Variants in PTPRQ observed in about 807,000 individuals in gnomAD.
The protein encoded by PTPRQ is phosphatidylinositol phosphatase PTPRQ.
Under a neutral mutation model 246.0 loss-of-function variants are expected in PTPRQ, and 199 were observed. The observed-to-expected ratio is 0.81, with a 90% confidence interval of 0.72 to 0.91. PTPRQ has a LOEUF of 0.91. PTPRQ is among the 40% of genes least tolerant of loss of function. PTPRQ has a pLI of 0.00. For missense variants in PTPRQ, 2,624 were observed against 2,528.4 expected, an observed-to-expected ratio of 1.04 and a Z score of -0.81; for synonymous variants, 869 against 853.2, an observed-to-expected ratio of 1.02 and a Z score of -0.32.
chr12:80,637,197 G>C (rs1161733196), intron 35 of PTPRQ, among the ~76,000 whole-genome samples: 1 of 52,664 alleles, frequency 1.9e-5, no homozygotes, highest in African/African-American at 6.3e-5. Flanking sequence ...AAAAAGAGTA[G>C]ATTTTTTTTT....
At chr12:80,462,242 C>G (rs1427871341) in intron 6 of PTPRQ, among the ~76,000 whole-genome samples, 1 of 152,170 alleles carries the variant, frequency 6.6e-6, no homozygotes, top group African/African-American at 2.4e-5. Context: ...GGTCCTACCC[C>G]CACGGAGTCT....
chr12:80,646,122 T>C (rs922290827), intron 35 of PTPRQ, among the ~76,000 whole-genome samples: 20 of 152,144 alleles, frequency 1.3e-4, no homozygotes, highest in African/African-American at 4.1e-4. Flanking sequence ...TCAGTATCAA[T>C]TGTAGAACAG....
chr12:80,523,785 C>G (rs916592601), intron 17 of PTPRQ, among the ~76,000 whole-genome samples: 2 of 152,070 alleles, frequency 1.3e-5, no homozygotes, highest in African/African-American at 4.8e-5. Context: ...TTACTTCCAA[C>G]TATGTGGTCA....
chr12:80,484,400 C>CG, intron 8 of PTPRQ, 33 bp from the exon 9 acceptor site: 2 of 1,402,330 alleles, frequency 1.4e-6, no homozygotes, highest in South Asian at 1.3e-5. Flanking sequence ...TTTAATTTCC[C>CG]CCTTTTCTTT....
At chr12:80,568,237 CATT>C (rs938764660) in intron 25 of PTPRQ, among the ~76,000 whole-genome samples, 17 of 152,076 alleles carry the variant, frequency 1.1e-4, no homozygotes, top group Admixed American at 7.9e-4. Flanking sequence ...TAATTTAAAA[CATT>C]AGAAACATAG....
intron 25 of PTPRQ, among the ~76,000 whole-genome samples, chr12:80,557,452 C>T (rs371292100): frequency 5.3e-4 from 80 of 150,720 alleles, no homozygotes; most frequent in Non-Finnish European, 9.7e-4. Flanking sequence ...ATCTGGCATA[C>T]GTGATAATAA....
intron 25 of PTPRQ, among the ~76,000 whole-genome samples, chr12:80,571,520 T>C (rs2120957055): frequency 2.0e-5 from 3 of 152,348 alleles, no homozygotes; most frequent in African/African-American, 7.2e-5. Flanking sequence ...ATGGCACCTG[T>C]GCATAATCAG....
chr12:80,608,819 C>T (rs1898434700), intron 27 of PTPRQ, among the ~76,000 whole-genome samples: 1 of 150,472 alleles, frequency 6.6e-6, no homozygotes, highest in African/African-American at 2.4e-5. Context: ...GAATGGGACC[C>T]AGGCCCCTTT....
intron 33 of PTPRQ, among the ~76,000 whole-genome samples, chr12:80,623,584 A>G (rs2094525184): frequency 6.6e-6 from 1 of 152,144 alleles, no homozygotes; most frequent in African/African-American, 2.4e-5. Context: ...CCATTACTTC[A>G]GCTAAGTAGT....
chr12:80,486,611 A>C (rs1894284053), intron 9 of PTPRQ, among the ~76,000 whole-genome samples: 1 of 152,172 alleles, frequency 6.6e-6, no homozygotes, highest in Non-Finnish European at 1.5e-5. Flanking sequence ...GGAGTAAATG[A>C]CATAAGAAAT....
chr12:80,520,807 G>A (rs574607043), intron 17 of PTPRQ, among the ~76,000 whole-genome samples: 3 of 152,014 alleles, frequency 2.0e-5, no homozygotes, highest in Admixed American at 6.6e-5. Context: ...TGTGAATAGT[G>A]CCACAATAAA....
intron 14 of PTPRQ, among the ~76,000 whole-genome samples, chr12:80,498,482 T>C (rs1351740286): frequency 1.3e-5 from 2 of 152,078 alleles, no homozygotes; most frequent in Non-Finnish European, 2.9e-5. Context: ...TTAAGTTTTA[T>C]TAGTTGGTGG....
At chr12:80,533,464 AT>A (rs1397428234) in intron 17 of PTPRQ, among the ~76,000 whole-genome samples, 1 of 152,034 alleles carries the variant, frequency 6.6e-6, no homozygotes, top group Admixed American at 6.6e-5. Context: ...TATGATATAC[AT>A]ACGTTGTTTC....
Position 80,542,070 on chromosome 12 carries a change from T to A in PTPRQ, c.3446-19T>A. 1 of 1,528,860 alleles carries A rather than the reference T, an allele frequency of 6.5e-7. No homozygotes were observed. Among genetic ancestry groups the A allele is most frequent in the African/African-American group, 1.4e-5 (1 of 71,442 alleles). 94.7% of individuals were successfully genotyped at this position (1,528,860 alleles called of 1,614,324 possible). Reference sequence around the variant, plus strand: ...TGATTCACTTTTGTTTCATTTAATATTCTCTTTTTCTTTTATAGTCCCAGA... The same window carrying A: ...TGATTCACTTTTGTTTCATTTAATAATCTCTTTTTCTTTTATAGTCCCAGA... On this transcript the variant is annotated intron_variant, in intron 21 of 44. Transcript: ENST00000644991.
intron 20 of PTPRQ, among the ~76,000 whole-genome samples, chr12:80,540,762 T>C (rs1294410957): frequency 6.6e-6 from 1 of 152,102 alleles, no homozygotes; most frequent in African/African-American, 2.4e-5. Context: ...AAATATGTAT[T>C]TGGGGAGTCT....
intron 25 of PTPRQ, among the ~76,000 whole-genome samples, chr12:80,586,214 C>T (rs909169449): frequency 2.0e-5 from 3 of 151,888 alleles, no homozygotes; most frequent in African/African-American, 7.3e-5. Context: ...AAACAAACAA[C>T]CCCATCAAAA....
intron 16 of PTPRQ, among the ~76,000 whole-genome samples, chr12:80,507,251 A>T (rs1894991851): frequency 6.6e-6 from 1 of 151,962 alleles, no homozygotes; most frequent in Admixed American, 6.6e-5. Context: ...TTGATACCTT[A>T]CCAAGTTAGA....
intron 8 of PTPRQ, among the ~76,000 whole-genome samples, chr12:80,477,647 T>A (rs927117044): frequency 6.6e-6 from 1 of 152,070 alleles, no homozygotes; most frequent in East Asian, 1.9e-4. Context: ...GGCCAGACAG[T>A]GGGCGCAGGT....
At chr12:80,620,583 G>A (rs1377801371) in intron 32 of PTPRQ, among the ~76,000 whole-genome samples, 1 of 151,696 alleles carries the variant, frequency 6.6e-6, no homozygotes, top group Non-Finnish European at 1.5e-5. Flanking sequence ...GGGGAAGCAG[G>A]CAACCCTAAG....
Sources: allele counts gnomAD v4.1 joint callset (sites outside exome capture counted in the v4.1 genomes callset), GRCh38; gene constraint gnomAD v4.1.1; transcripts MANE v1.5; gene names NCBI Gene and HGNC (gene_info 2026-07-23, HGNC 2026-07-21).